Variants in ACKR5 observed in about 807,000 individuals in gnomAD.
ACKR5 encodes the protein G protein-coupled receptor 182.
the ACKR5 span, chr12:56,996,466 G>A: frequency 6.5e-7 from 1 of 1,526,876 alleles, no homozygotes; most frequent in Non-Finnish European, 8.8e-7. Flanking sequence ...AAAAGGCACA[G>A]GTGAGAGTAT....
At chr12:56,996,105 ACTT>A in the ACKR5 span, 21 of 1,613,514 alleles carry the variant, frequency 1.3e-5, no homozygotes, top group Middle Eastern at 1.6e-4. Flanking sequence ...CACCTGCTCT[ACTT>A]CTTCTATGAT....
the ACKR5 span, chr12:56,996,879 G>A: frequency 6.2e-6 from 1 of 160,118 alleles, no homozygotes; most frequent in Admixed American, 6.0e-5. Context: ...CACTATGCAG[G>A]TTATGGGGAC....
the ACKR5 span, chr12:56,998,419 T>G: frequency 6.6e-6 from 1 of 152,276 alleles, no homozygotes; most frequent in Non-Finnish European, 1.5e-5. Flanking sequence ...TGTATCAACC[T>G]CATTAAACTA....
chr12:56,996,181 C>T, the ACKR5 span: 4 of 1,614,122 alleles, frequency 2.5e-6, no homozygotes, highest in East Asian at 6.7e-5. Flanking sequence ...ACTTTCTCAG[C>T]CCACACTTCC....
At chr12:56,996,048 T>C in the ACKR5 span, 1 of 1,611,646 alleles carries the variant, frequency 6.2e-7, no homozygotes, top group South Asian at 1.1e-5. Flanking sequence ...ACCCTGCTGC[T>C]GCTCACACTG....
chr12:56,996,077 C>T, the ACKR5 span: 12 of 1,613,130 alleles, frequency 7.4e-6, no homozygotes, highest in Non-Finnish European at 1.0e-5. Context: ...CCACATCTCC[C>T]TCCACTGCCA....
At chr12:56,994,920 G>A in the ACKR5 span, among the ~76,000 whole-genome samples, 2 of 150,832 alleles carry the variant, frequency 1.3e-5, no homozygotes, top group East Asian at 2.0e-4. Context: ...GGTTGTTGAG[G>A]GGGAACTGGC....
chr12:56,997,144 G>A, the ACKR5 span: 1 of 152,238 alleles, frequency 6.6e-6, no homozygotes. Flanking sequence ...CCACAAGCAA[G>A]AGGAGTTGTC....
At chr12:56,995,975 C>A in the ACKR5 span, 2 of 1,611,206 alleles carry the variant, frequency 1.2e-6, no homozygotes, top group African/African-American at 1.3e-5. This position sits in a 1 kb window ranked among gnomAD's most constrained non-coding sequence, Gnocchi z 4.7. Context: ...GAGCCGGCGC[C>A]ACTGCCTGCT....
the ACKR5 span, chr12:56,995,329 G>C: frequency 1.9e-6 from 3 of 1,614,100 alleles, no homozygotes; most frequent in African/African-American, 4.0e-5. The surrounding 1 kb of genome is among the most constrained non-coding windows in gnomAD (Gnocchi z 4.7). Flanking sequence ...ACCACACTTT[G>C]TCTGAGTGCC....
At chr12:56,997,576 G>A in the ACKR5 span, 1 of 152,232 alleles carries the variant, frequency 6.6e-6, no homozygotes. Context: ...GATCACTTAT[G>A]TTTGGGAGAC....
chr12:56,995,296 G>T, the ACKR5 span: 1 of 1,614,142 alleles, frequency 6.2e-7, no homozygotes, highest in South Asian at 1.1e-5. The surrounding 1 kb of genome is among the most constrained non-coding windows in gnomAD (Gnocchi z 4.7). Flanking sequence ...TCCACAACTG[G>T]ACCGAGCTGC....
chr12:56,995,996 T>C, the ACKR5 span: 1 of 1,610,278 alleles, frequency 6.2e-7, no homozygotes, highest in Admixed American at 1.7e-5. The surrounding 1 kb of genome is among the most constrained non-coding windows in gnomAD (Gnocchi z 4.7). Flanking sequence ...GCTGTGCGCC[T>C]ACGTGGCCGT....
chr12:56,995,860 G>A, the ACKR5 span: 42 of 1,612,854 alleles, frequency 2.6e-5, 1 homozygote, highest in Middle Eastern at 3.3e-4. The surrounding 1 kb of genome is among the most constrained non-coding windows in gnomAD (Gnocchi z 4.7). Flanking sequence ...GGGCCCTGGC[G>A]GTGGCCCTGT....
the ACKR5 span, chr12:56,995,531 G>T: frequency 6.2e-7 from 1 of 1,614,062 alleles, no homozygotes; most frequent in Non-Finnish European, 8.5e-7. This position sits in a 1 kb window ranked among gnomAD's most constrained non-coding sequence, Gnocchi z 4.7. Context: ...GTCTCTGCCC[G>T]TGTGGATGCT....
chr12:56,998,004 G>T, the ACKR5 span: 2 of 152,210 alleles, frequency 1.3e-5, no homozygotes, highest in African/African-American at 2.4e-5. Flanking sequence ...AGGAGTCTGG[G>T]TTGTGGCTTG....
chr12:56,998,324 A>T, the ACKR5 span: 1 of 152,274 alleles, frequency 6.6e-6, no homozygotes, highest in African/African-American at 2.4e-5. Context: ...CACTGATGGG[A>T]GCCCTGCCTG....
the ACKR5 span, among the ~76,000 whole-genome samples, chr12:56,994,860 G>C: frequency 4.1e-4 from 62 of 151,810 alleles, no homozygotes; most frequent in African/African-American, 1.4e-3. Flanking sequence ...CCAGGAGAGA[G>C]GTGGAGGTTG....
chr12:56,995,979 G>A, the ACKR5 span: 15 of 1,610,882 alleles, frequency 9.3e-6, no homozygotes, highest in South Asian at 9.9e-5. The surrounding 1 kb of genome is among the most constrained non-coding windows in gnomAD (Gnocchi z 4.7). Flanking sequence ...CGGCGCCACT[G>A]CCTGCTGCTG....
Sources: allele counts gnomAD v4.1 joint callset (sites outside exome capture counted in the v4.1 genomes callset), GRCh38; gene constraint gnomAD v4.1.1; non-coding constraint Gnocchi (gnomAD v3.1); transcripts MANE v1.5; gene names NCBI Gene and HGNC (gene_info 2026-07-23, HGNC 2026-07-21).